H1-8: variants seen among roughly 807,000 people sequenced by gnomAD.
The protein encoded by H1-8 is H1.8 linker histone.
In H1-8, 13 loss-of-function variants were observed where a neutral mutation model predicts 19.5. The ratio of observed to expected loss-of-function variants is 0.67; its 90% CI spans 0.43 to 1.06. H1-8 has a LOEUF of 1.06. Among genes scored for constraint, H1-8 ranks in the 50% least tolerant of loss-of-function variants. The pLI, the probability that H1-8 is intolerant of heterozygous loss-of-function variation, is 0.00. For missense variants in H1-8, 432 were observed against 459.8 expected, an observed-to-expected ratio of 0.94 and a Z score of 0.55; for synonymous variants, 193 against 187.6, an observed-to-expected ratio of 1.03 and a Z score of -0.24.
chr3:129,548,146 C>T (rs1355610998), intron 2 of H1-8, among the ~76,000 whole-genome samples: 1 of 152,234 alleles, frequency 6.6e-6, no homozygotes, highest in Non-Finnish European at 1.5e-5. Context: ...ACCCCAACAT[C>T]AGGACTGTCA....
At chr3:129,543,405 CCCCAGCACCTA>C in intron 1 of H1-8, 99 bp downstream of exon 1, 2 of 848,202 alleles carry the variant, frequency 2.4e-6, no homozygotes, top group Admixed American at 2.1e-5. Flanking sequence ...CCCAGCCTGG[CCCCAGCACCTA>C]CCCAGCACCC....
In H1-8 at chr3:129,551,281, G is replaced by C; in HGVS notation, c.982G>C (p.Ala328Pro). 1 of 1,614,090 alleles carries C rather than the reference G, an allele frequency of 6.2e-7. No homozygotes were observed. Among genetic ancestry groups the C allele is most frequent in the Non-Finnish European group, 8.5e-7 (1 of 1,180,036 alleles). ...KTEAPKGPRK[A>P]GLPIKASSSK... is the part of the protein sequence containing the mutation. ...AGAGGCCCCCAAGGGCCCTAGAAAG[G>C]CTGGGCTGCCCATCAAGGCCTCATC... Residue 328 changes from alanine (A) to proline (P), a missense_variant, in exon 5 of 5, where the codon GCT becomes CCT. Transcript: ENST00000324382.
intron 2 of H1-8, chr3:129,548,462 A>T (rs1384203700): frequency 3.0e-6 from 3 of 987,478 alleles, no homozygotes; most frequent in Non-Finnish European, 3.6e-6. Flanking sequence ...GTGTGCTGGC[A>T]GTTGAGGGGT....
At chr3:129,548,871 C>A (rs1578290959) in intron 2 of H1-8, 130 bp from the exon 3 acceptor site, 1 of 1,266,904 alleles carries the variant, frequency 7.9e-7, no homozygotes, top group Non-Finnish European at 1.1e-6. Context: ...TTCGTGCCTT[C>A]TCCCTGCCTC....
At position 129,543,176 on chromosome 3, in the gene H1-8, TCA is replaced by T; in HGVS notation, c.-39_-38del. On this transcript the variant is annotated 5_prime_UTR_variant, in exon 1 of 5. Transcript: ENST00000324382. The stretch of plus-strand genomic sequence containing the variant: ...AGCCTAGTGGGCAGGCCCAGCAGCC[TCA>T]CACCCGGGTGAGGGGTCTGCTGGCT... 1 of 1,482,950 alleles carries T rather than the reference TCA, an allele frequency of 6.7e-7. No homozygotes were observed. Among genetic ancestry groups the T allele is most frequent in the Non-Finnish European group, 9.3e-7 (1 of 1,071,490 alleles). 91.9% of individuals were successfully genotyped at this position (1,482,950 alleles called of 1,614,324 possible).
chr3:129,547,221 G>A (rs1394236614), intron 1 of H1-8, among the ~76,000 whole-genome samples, 170 bp from the exon 2 acceptor site: 5 of 152,150 alleles, frequency 3.3e-5, no homozygotes, highest in Non-Finnish European at 7.4e-5. Flanking sequence ...GAGAGACTCA[G>A]TGAGCCTTGA....
In H1-8 at chr3:129,551,265, C is replaced by T. The variant is rs2084930687; in HGVS notation, c.966C>T (p.Pro322=). The part of the protein sequence containing the change: ...PAHLSRKTEA[P]KGPRKAGLPI... Reference sequence around the variant, plus strand: ...ATTTGTCCAGGAAGACAGAGGCCCCCAAGGGCCCTAGAAAGGCTGGGCTGC... The same window carrying T: ...ATTTGTCCAGGAAGACAGAGGCCCCTAAGGGCCCTAGAAAGGCTGGGCTGC... The change falls in exon 5 of 5, where the codon CCC becomes CCT. Residue 322 remains proline (P), a synonymous_variant. Coordinates refer to ENST00000324382, the MANE Select transcript of H1-8 (RefSeq NM_153833.3). 1.2e-6 allele frequency: 2 copies of T among 1,614,132 alleles called. No individual in the cohort carries two copies. The highest frequency in any genetic ancestry group is 1.7e-6 in the Non-Finnish European group (2 of 1,180,010).
chr3:129,548,562 G>A (rs952577809), intron 2 of H1-8: 61 of 896,860 alleles, frequency 6.8e-5, no homozygotes, highest in Middle Eastern at 5.6e-4. Context: ...CTTCCCTGCC[G>A]CTCACAGCCT....
At chr3:129,548,944 G>T (rs1324694045) in intron 2 of H1-8, 57 bp from the exon 3 acceptor site, 2 of 1,535,600 alleles carry the variant, frequency 1.3e-6, no homozygotes, top group Admixed American at 4.2e-5. Flanking sequence ...TACGGGGGGT[G>T]GGGGGCGTGA....
Position 129,547,626 on chromosome 3 carries a change from C to G in H1-8, c.324C>G (p.Gly108=). The G allele has an allele frequency of 1.3e-6, 2 of 1,549,264 alleles. No homozygotes were observed. Among genetic ancestry groups the G allele is most frequent in the Non-Finnish European group, 1.7e-6 (2 of 1,147,530 alleles). Residue 108 remains glycine, a synonymous_variant, in exon 2 of 5, where the codon GGC becomes GGG. Coordinates refer to ENST00000324382, the MANE Select transcript of H1-8 (RefSeq NM_153833.3). The part of the protein sequence containing the change: ...KQALATGMRR[G]LLARPLNSKA... ...CGCTGGCCACTGGCATGCGCCGTGG[C>G]CTCCTCGCCAGGCCCCTCAACTCCA...
intron 1 of H1-8, among the ~76,000 whole-genome samples, chr3:129,544,458 G>A (rs999161433): frequency 5.9e-5 from 9 of 152,010 alleles, no homozygotes; most frequent in East Asian, 3.9e-4. Flanking sequence ...GGCCTCGAGT[G>A]GGTGTGGTGA....
intron 2 of H1-8, chr3:129,548,451 G>C: frequency 1.0e-6 from 1 of 987,464 alleles, no homozygotes; most frequent in East Asian, 1.1e-4. Flanking sequence ...TGTCTGATGC[G>C]GTGTGCTGGC....
Position 129,547,642 on chromosome 3 carries a change from C to G in H1-8, c.340C>G (p.Leu114Val), listed in dbSNP as rs1162626769. The G allele has an allele frequency of 6.5e-7, 1 of 1,546,768 alleles. No homozygotes were observed. The highest frequency in any genetic ancestry group is 2.4e-5 in the East Asian group (1 of 40,962). ...GMRRGLLARPLNSKARGATGS... is the reference protein window; with the variant it reads ...GMRRGLLARPVNSKARGATGS... ...GCGCCGTGGCCTCCTCGCCAGGCCC[C>G]TCAACTCCAAAGCCAGGGGGGCCAC... is the stretch of plus-strand genomic sequence containing the variant. The change falls in exon 2 of 5, where the codon CTC becomes GTC. Residue 114 changes from leucine (L) to valine (V), a missense_variant. Coordinates refer to ENST00000324382, the MANE Select transcript of H1-8 (RefSeq NM_153833.3).
intron 3 of H1-8, among the ~76,000 whole-genome samples, chr3:129,550,527 G>A (rs575478970): frequency 2.2e-4 from 33 of 152,252 alleles, no homozygotes; most frequent in African/African-American, 6.0e-4. Flanking sequence ...AAGTGCTTCC[G>A]TTAACCCTCC....
chr3:129,546,135 A>T (rs2084886751), intron 1 of H1-8, among the ~76,000 whole-genome samples: 1 of 144,736 alleles, frequency 6.9e-6, no homozygotes, highest in Admixed American at 7.0e-5. Context: ...TAATAATAAT[A>T]ATAATAATAA....
At chr3:129,549,420 G>T in intron 3 of H1-8, 56 bp downstream of exon 3, 1 of 1,510,868 alleles carries the variant, frequency 6.6e-7, no homozygotes, top group Admixed American at 2.3e-5. Flanking sequence ...ACAGCCACTG[G>T]AGCGGGGGCG....
At position 129,544,142 on chromosome 3, in the gene H1-8, C is replaced by T. The variant is rs75468597; in HGVS notation, c.88+836C>T. Among the ~76,000 whole-genome samples, 245 of 152,256 alleles carry T rather than the reference C, an allele frequency of 1.6e-3. No individual in the cohort carries two copies. In the East Asian group the frequency reaches 0.028, roughly 18 times the overall value. On this transcript the variant is annotated intron_variant, in intron 1 of 4. Transcript: ENST00000324382. ...AGAGAGGCAGCCCAGGCAGAGGAAA[C>T]GGCATGGGCTAAGGCCCAGAGGCCA... is the stretch of plus-strand genomic sequence containing the variant.
Position 129,547,680 on chromosome 3 carries a change from A to T in H1-8, c.378A>T (p.Lys126Asn), listed in dbSNP as rs2084900545. ...CCAGGGGGGCCACTGGCAGCTTCAA[A>T]GTAAGCGCCCCTGAGGGAGGACATA... The part of the protein sequence containing the change: ...SKARGATGSF[K>N]LVPKHKKKIQ... The change falls in exon 2 of 5, where the codon AAA becomes AAT. Residue 126 changes from lysine (K) to asparagine (N), a missense_variant and splice_region_variant. Coordinates refer to ENST00000324382, the MANE Select transcript of H1-8 (RefSeq NM_153833.3). 1.3e-6 allele frequency: 2 copies of T among 1,539,200 alleles called. No individual in the cohort carries two copies. The highest frequency in any genetic ancestry group is 1.7e-6 in the Non-Finnish European group (2 of 1,145,884).
rs772051479 is a variant in H1-8 at position 129,547,446 on chromosome 3, G to A, written c.144G>A (p.Val48=). The part of the protein sequence containing the change: ...PGGPSHSSLP[V]GRRHPPVLRM... ...GCCCGAGCCACAGCAGCCTCCCGGTGGGACGCCGCCACCCCCCGGTGCTAC... is the reference window on the plus strand; with the variant it reads ...GCCCGAGCCACAGCAGCCTCCCGGTAGGACGCCGCCACCCCCCGGTGCTAC... The change falls in exon 2 of 5, where the codon GTG becomes GTA. Residue 48 remains valine, a synonymous_variant. Transcript: ENST00000324382. 43 of 1,543,720 alleles carry A rather than the reference G, an allele frequency of 2.8e-5. No individual in the cohort carries two copies. Among genetic ancestry groups the A allele is most frequent in the Admixed American group, 4.0e-5 (2 of 49,502 alleles).
Sources: gnomAD v4.1 joint callset for allele counts (sites outside exome capture counted in the v4.1 genomes callset) on GRCh38, gnomAD v4.1.1 for gene constraint, MANE v1.5 for transcripts, NCBI Gene and HGNC (gene_info 2026-07-23, HGNC 2026-07-21) for gene names.